Variants in TJP1 observed in about 807,000 individuals in gnomAD.
TJP1 encodes the protein tight junction protein 1.
A neutral mutation model predicts 194.2 loss-of-function variants in TJP1; 43 were observed. The ratio of observed to expected loss-of-function variants is 0.22; its 90% CI spans 0.17 to 0.29. The LOEUF (loss-of-function observed/expected upper bound fraction) is 0.29, where lower values mean the gene tolerates loss of function less well. TJP1 is among the 10% of genes least tolerant of loss of function. The pLI, the probability that TJP1 is intolerant of heterozygous loss-of-function variation, is 1.00. For missense variants in TJP1, 1,971 were observed against 2,185.7 expected (o/e 0.90, Z 1.96); for synonymous variants, 801 against 779.0 (o/e 1.03, Z -0.47).
chr15:29,951,537 AC>A (rs1326691821), intron 2 of TJP1, among the ~76,000 whole-genome samples: 1 of 152,200 alleles, frequency 6.6e-6, no homozygotes, highest in African/African-American at 2.4e-5. Context: ...TATTAAAAAA[AC>A]AAAACAATTA....
rs200328107 is a variant in TJP1 at position 29,761,160 on chromosome 15, G to A, written c.989C>T (p.Pro330Leu). ...TTACCTGCCATTGCTTGGCTGCTGC[G>A]GCGAGTGCCTGGAATGATCAGAAGG... is the stretch of plus-strand genomic sequence containing the variant. ...SEPSDHSRHS[P>L]QQPSNGSLRS... Residue 330 changes from proline (P) to leucine (L), a missense_variant, in exon 8 of 28, where the codon CCG becomes CTG. Pro to Leu is a moderately conservative substitution (Grantham distance 98). Transcript: ENST00000614355. 3.7e-6 allele frequency: 6 copies of A among 1,603,562 alleles called. No homozygotes were observed. The highest frequency in any genetic ancestry group is 2.7e-5 in the African/African-American group (2 of 74,630).
intron 2 of TJP1, among the ~76,000 whole-genome samples, chr15:29,780,149 C>T (rs950814676): frequency 1.3e-5 from 2 of 152,004 alleles, no homozygotes; most frequent in Non-Finnish European, 2.9e-5. Context: ...GGGATGGTTT[C>T]GGGACAATCC....
chr15:29,717,029 G>C (rs1043039418), intron 22 of TJP1, among the ~76,000 whole-genome samples, 191 bp from the exon 23 acceptor site: 5 of 152,068 alleles, frequency 3.3e-5, no homozygotes, highest in Non-Finnish European at 4.4e-5. Context: ...ATACTCAAAA[G>C]GCAGCCCCCT....
chr15:29,883,679 A>T (rs1455504271), intron 2 of TJP1, among the ~76,000 whole-genome samples: 5 of 152,100 alleles, frequency 3.3e-5, no homozygotes, highest in African/African-American at 9.7e-5. Context: ...TTTGAGTAAG[A>T]GTTTCCTTTT....
At chr15:29,767,594 T>A (rs1435736741) in intron 4 of TJP1, among the ~76,000 whole-genome samples, 1 of 152,148 alleles carries the variant, frequency 6.6e-6, no homozygotes, top group Non-Finnish European at 1.5e-5. Flanking sequence ...CCTCTGTAAA[T>A]TCATTTTACA....
At chr15:29,751,132 C>T (rs1025714805) in intron 8 of TJP1, among the ~76,000 whole-genome samples, 3 of 152,246 alleles carry the variant, frequency 2.0e-5, no homozygotes, top group African/African-American at 7.2e-5. Context: ...TGGTCTCTCT[C>T]TGCACTGGTA....
chr15:29,780,092 G>C (rs1329200906), intron 2 of TJP1, among the ~76,000 whole-genome samples: 2 of 152,038 alleles, frequency 1.3e-5, no homozygotes, highest in Admixed American at 1.3e-4. Flanking sequence ...TTGGCACCAG[G>C]GATTGGTTTC....
chr15:29,934,782 C>T (rs2054829580), intron 2 of TJP1, among the ~76,000 whole-genome samples: 1 of 152,140 alleles, frequency 6.6e-6, no homozygotes, highest in African/African-American at 2.4e-5. Context: ...CAAATACAAA[C>T]TTATATTAGA....
chr15:29,942,125 A>G (rs2055101205), intron 2 of TJP1, among the ~76,000 whole-genome samples: 1 of 152,152 alleles, frequency 6.6e-6, no homozygotes, highest in South Asian at 2.1e-4. Context: ...TTGAAATAAC[A>G]TTTTCTCTAT....
chr15:29,705,155 G>A (rs1439281359), intron 26 of TJP1, among the ~76,000 whole-genome samples: 1 of 152,236 alleles, frequency 6.6e-6, no homozygotes, highest in Non-Finnish European at 1.5e-5. Context: ...TCTCCAATCA[G>A]GTGAAGGCAC....
Position 29,718,039 on chromosome 15 carries a change from T to C in TJP1, c.3956A>G (p.His1319Arg). 1 of 1,612,810 alleles carries C rather than the reference T, an allele frequency of 6.2e-7. No homozygotes were observed. Among genetic ancestry groups the C allele is most frequent in the Non-Finnish European group, 8.5e-7 (1 of 1,179,820 alleles). The change falls in exon 22 of 28, where the codon CAT (histidine) becomes CGT (arginine). Residue 1319 changes from histidine to arginine, a missense_variant. His to Arg is a conservative substitution (Grantham distance 29, BLOSUM62 0). Around this residue, in one of 5 missense-constraint regions of TJP1, gnomAD observed 1,108 missense variants for 1,128.5 expected, o/e 0.98. Transcript: ENST00000614355. ...KPTSQNQFSE[H>R]DKTLYRIPEP... ...TACTCACCTGTACAGAGTTTTGTCA[T>C]GTTCACTGAATTGATTCTGAGAAGT...
At chr15:29,785,328 G>C (rs1251288288) in intron 2 of TJP1, among the ~76,000 whole-genome samples, 2 of 152,126 alleles carry the variant, frequency 1.3e-5, no homozygotes, top group African/African-American at 4.8e-5. Flanking sequence ...TATGTGTCCT[G>C]TTTTACTGGA....
chr15:29,714,246 C>CT (rs546399070), intron 23 of TJP1, among the ~76,000 whole-genome samples: 77 of 147,424 alleles, frequency 5.2e-4, no homozygotes, highest in Middle Eastern at 3.5e-3. Context: ...AAATATACTC[C>CT]TTTTTTTTTT....
intron 2 of TJP1, among the ~76,000 whole-genome samples, chr15:29,900,186 C>T (rs2053593779): frequency 6.6e-6 from 1 of 152,050 alleles, no homozygotes; most frequent in South Asian, 2.1e-4. Flanking sequence ...CCTGAAAAGG[C>T]TCTGGGGCAG....
chr15:29,822,804 C>T (rs1323894473), upstream of TJP1: 5 of 152,318 alleles, frequency 3.3e-5, no homozygotes, highest in Non-Finnish European at 7.3e-5. Flanking sequence ...GGGTGAGCCC[C>T]ATGCATGAGT....
rs772284298 is a variant in TJP1, at chr15:29,720,465, A to C, written c.2656T>G (p.Ser886Ala). ...RSSEPVREDSSGMHHENQTYP... is the reference protein window; with the variant it reads ...RSSEPVREDSAGMHHENQTYP... The stretch of plus-strand genomic sequence containing the variant: ...GTTTGGTTTTCATGATGCATTCCAG[A>C]GGAGTCCTCTCTTACAGGCTCAGAG... Residue 886 changes from serine to alanine, a missense_variant, in exon 19 of 28, where the codon TCT becomes GCT. Around this residue, in one of 5 missense-constraint regions of TJP1, gnomAD observed 1,108 missense variants for 1,128.5 expected, o/e 0.98. Transcript: ENST00000614355. 8.7e-6 allele frequency: 14 copies of C among 1,614,042 alleles called. No individual in the cohort carries two copies. Among genetic ancestry groups the C allele is most frequent in the South Asian group, 6.6e-5 (6 of 91,080 alleles).
At chr15:29,853,386 A>C (rs575196023) in intron 2 of TJP1, among the ~76,000 whole-genome samples, 6 of 152,302 alleles carry the variant, frequency 3.9e-5, no homozygotes, top group Admixed American at 1.3e-4. Context: ...ACAGAACTTA[A>C]TATGCACAAA....
intron 2 of TJP1, among the ~76,000 whole-genome samples, chr15:29,880,596 A>G (rs2052891593): frequency 6.6e-6 from 1 of 152,130 alleles, no homozygotes. Context: ...GCAATTCCCC[A>G]TGTTCCCTAC....
chr15:29,731,532 ACTTC>A (rs1453852638), intron 15 of TJP1, among the ~76,000 whole-genome samples: 6 of 152,120 alleles, frequency 3.9e-5, no homozygotes, highest in African/African-American at 9.7e-5. Flanking sequence ...TTTTCGTTTC[ACTTC>A]CTGAAAGTCA....
Sources: gnomAD v4.1 joint callset for allele counts (sites outside exome capture counted in the v4.1 genomes callset) on GRCh38, gnomAD v4.1.1 for gene constraint, gnomAD v4.1.1 regional missense constraint, MANE v1.5 for transcripts, NCBI Gene and HGNC (gene_info 2026-07-23, HGNC 2026-07-21) for gene names.